DOCK1: variants seen among roughly 807,000 people sequenced by gnomAD.
The protein encoded by DOCK1 is dedicator of cytokinesis 1.
Under a neutral mutation model 262.7 loss-of-function variants are expected in DOCK1, and 138 were observed. The observed-to-expected ratio is 0.53, with a 90% CI of 0.46 to 0.61. The LOEUF (loss-of-function observed/expected upper bound fraction) is 0.61. DOCK1 is among the 20% of genes least tolerant of loss of function. The pLI is 0.00. For synonymous variants in DOCK1, 866 were observed against 867.4 expected (o/e 1.00, Z 0.03); for missense variants, 1,908 against 2,370.7 (o/e 0.80, Z 4.05).
Position 127,451,329 on chromosome 10 carries a change from T to C in DOCK1, c.5566-3T>C, listed in dbSNP as rs2070954532. ...ACATCTTCCCCATCCTCATGTTTTT[T>C]AGCATCTGCCACCTCCACTGCCCAG... On this transcript the variant is annotated splice_region_variant and splice_polypyrimidine_tract_variant and intron_variant, in intron 51 of 51. Transcript: ENST00000623213. 3.8e-6 allele frequency: 6 copies of C among 1,589,636 alleles called. No individual in the cohort carries two copies. The highest frequency in any genetic ancestry group is 1.3e-5 in the African/African-American group (1 of 74,200).
intron 29 of DOCK1, among the ~76,000 whole-genome samples, chr10:127,270,230 G>A (rs891887319): frequency 9.2e-5 from 14 of 152,158 alleles, no homozygotes; most frequent in African/African-American, 1.9e-4. Context: ...ACTTCCAAAC[G>A]TGTTTGAACA....
intron 1 of DOCK1, among the ~76,000 whole-genome samples, chr10:126,931,624 T>C (rs1307861943): frequency 6.6e-6 from 1 of 152,000 alleles, no homozygotes; most frequent in Non-Finnish European, 1.5e-5. Flanking sequence ...TTGAATGGGG[T>C]GGTCGACTTT....
chr10:127,209,319 T>C (rs1243279837), intron 27 of DOCK1, among the ~76,000 whole-genome samples: 4 of 152,204 alleles, frequency 2.6e-5, no homozygotes, highest in Non-Finnish European at 5.9e-5. Context: ...GGGCCTAAGT[T>C]GGATTTTCAT....
chr10:127,034,256 G>T (rs145484083), intron 18 of DOCK1, among the ~76,000 whole-genome samples: 1 of 152,308 alleles, frequency 6.6e-6, no homozygotes, highest in African/African-American at 2.4e-5. Context: ...GGAAGGCAAG[G>T]AGGAGCAAGT....
At chr10:127,170,208 T>G (rs2054438153) in intron 27 of DOCK1, among the ~76,000 whole-genome samples, 1 of 152,126 alleles carries the variant, frequency 6.6e-6, no homozygotes, top group African/African-American at 2.4e-5. Context: ...GGTGTGTTAC[T>G]TAGGATTTTC....
intron 29 of DOCK1, among the ~76,000 whole-genome samples, chr10:127,274,620 G>T (rs954752614): frequency 6.6e-6 from 1 of 152,210 alleles, no homozygotes; most frequent in Non-Finnish European, 1.5e-5. Context: ...GATGTAAGAA[G>T]TGAAGAAAAA....
intron 29 of DOCK1, among the ~76,000 whole-genome samples, chr10:127,269,229 C>T (rs2060478340): frequency 6.6e-6 from 1 of 152,046 alleles, no homozygotes; most frequent in Non-Finnish European, 1.5e-5. Context: ...AGAGCCTGAC[C>T]TCCAGTGACC....
rs1037927047 is a variant in DOCK1 at position 127,040,707 on chromosome 10, C to T, written c.2011-1918C>T. 3.3e-5 allele frequency among the ~76,000 whole-genome samples: 5 copies of T among 152,194 alleles called. No individual in the cohort carries two copies. In the East Asian group the frequency reaches 7.7e-4, roughly 23 times the overall value. Reference sequence around the variant, plus strand: ...GAACCAAACACCTGACCCAGCCTTTCCTCTGATGTCCTTGCTGTGTGATCA... The same window carrying T: ...GAACCAAACACCTGACCCAGCCTTTTCTCTGATGTCCTTGCTGTGTGATCA... On this transcript the variant is annotated intron_variant, in intron 19 of 51. Transcript: ENST00000623213.
rs796390829 is a variant in DOCK1, at chr10:127,152,288, G to C, written c.2847+24524G>C. Among the ~76,000 whole-genome samples, 19 of 152,326 alleles carry C rather than the reference G, an allele frequency of 1.2e-4. 1 individual carries two copies. Among genetic ancestry groups the C allele is most frequent in the African/African-American group, 4.1e-4 (17 of 41,582 alleles). On this transcript the variant is annotated intron_variant, in intron 27 of 51. Transcript: ENST00000623213. The stretch of plus-strand genomic sequence containing the variant: ...GTTGATTCAAAATTCTCTTTTGCAA[G>C]ATGAGTGGAGTGAAAAGTTTCCCAT...
intron 1 of DOCK1, among the ~76,000 whole-genome samples, chr10:126,940,374 T>C (rs2034892244): frequency 6.6e-6 from 1 of 152,060 alleles, no homozygotes; most frequent in African/African-American, 2.4e-5. Context: ...ATGACAGGAG[T>C]CTGCAGCACT....
intron 23 of DOCK1, among the ~76,000 whole-genome samples, chr10:127,073,157 CAAAT>C (rs766733389): frequency 1.4e-4 from 22 of 152,316 alleles, no homozygotes; most frequent in African/African-American, 4.8e-4. Flanking sequence ...GCATAAACCT[CAAAT>C]AAGATCTAAA....
intron 27 of DOCK1, among the ~76,000 whole-genome samples, chr10:127,210,304 C>T (rs1589957738): frequency 6.6e-6 from 1 of 152,172 alleles, no homozygotes; most frequent in African/African-American, 2.4e-5. Flanking sequence ...AAGAATGGCC[C>T]CTGCTTGTCT....
intron 22 of DOCK1, among the ~76,000 whole-genome samples, chr10:127,056,380 A>G (rs1275857952): frequency 6.6e-6 from 1 of 152,060 alleles, no homozygotes; most frequent in Non-Finnish European, 1.5e-5. Context: ...AATTTTTTGT[A>G]GGACATGGTC....
intron 18 of DOCK1, among the ~76,000 whole-genome samples, chr10:127,033,402 AGC>A (rs2135544940): frequency 6.6e-6 from 1 of 152,328 alleles, no homozygotes; most frequent in African/African-American, 2.4e-5. Context: ...ATTGCTGTCC[AGC>A]CAGGGGTACT....
At chr10:127,242,053 G>T (rs2059284048) in intron 27 of DOCK1, among the ~76,000 whole-genome samples, 1 of 152,100 alleles carries the variant, frequency 6.6e-6, no homozygotes, top group Non-Finnish European at 1.5e-5. Flanking sequence ...ATGTCACCAC[G>T]TTCTTGCCTT....
At chr10:127,375,147 G>A (rs2065419820) in intron 35 of DOCK1, among the ~76,000 whole-genome samples, 1 of 152,158 alleles carries the variant, frequency 6.6e-6, no homozygotes, top group African/African-American at 2.4e-5. Context: ...AAATCCATTA[G>A]TACCAATGAG....
At chr10:126,949,388 G>A (rs2035972701) in intron 1 of DOCK1, among the ~76,000 whole-genome samples, 3 of 152,194 alleles carry the variant, frequency 2.0e-5, no homozygotes, top group Admixed American at 6.5e-5. Context: ...CGGCTCCCAC[G>A]TGTCCCTTCA....
intron 27 of DOCK1, among the ~76,000 whole-genome samples, chr10:127,217,744 G>A (rs2058274428): frequency 6.6e-6 from 1 of 152,200 alleles, no homozygotes; most frequent in East Asian, 1.9e-4. Flanking sequence ...TGGGGACTTG[G>A]CCATAAATTC....
chr10:127,274,465 T>C (rs571906478), intron 29 of DOCK1, among the ~76,000 whole-genome samples: 1 of 152,250 alleles, frequency 6.6e-6, no homozygotes, highest in Admixed American at 6.5e-5. Context: ...AGGAGATTTG[T>C]GTGCAAACTG....
Sources: gnomAD v4.1 joint callset for allele counts (sites outside exome capture counted in the v4.1 genomes callset) on GRCh38, gnomAD v4.1.1 for gene constraint, MANE v1.5 for transcripts, NCBI Gene and HGNC (gene_info 2026-07-23, HGNC 2026-07-21) for gene names.